Variants in HNF4A observed in about 807,000 individuals in gnomAD.
HNF4A encodes the protein hepatocyte nuclear factor 4 alpha.
A neutral mutation model predicts 52.4 loss-of-function variants in HNF4A; 15 were observed. That is an observed-to-expected ratio of 0.29 (90% CI 0.19 to 0.44). HNF4A has a LOEUF of 0.44. Ranked by LOEUF, HNF4A falls within the 20% of genes least tolerant of loss-of-function variation. The pLI is 1.00. For missense variants in HNF4A, 479 were observed against 647.2 expected, an observed-to-expected ratio of 0.74 and a Z score of 2.82; for synonymous variants, 280 against 264.4, an observed-to-expected ratio of 1.06 and a Z score of -0.57.
At chr20:44,369,489 T>G (rs1243093227) in intron 1 of HNF4A, among the ~76,000 whole-genome samples, 1 of 151,860 alleles carries the variant, frequency 6.6e-6, no homozygotes, top group Non-Finnish European at 1.5e-5. Context: ...AGAAAATATT[T>G]AAACGCTATT....
At chr20:44,355,790 T>C (rs749349806) in exon 1 of HNF4A, 1 of 1,613,248 alleles carries the variant, frequency 6.2e-7, no homozygotes, top group Admixed American at 1.7e-5. Flanking sequence ...GCTCTCCGGC[T>C]GGGTGGGCTT....
At chr20:44,370,976 GT>G (rs2063027420) in intron 1 of HNF4A, among the ~76,000 whole-genome samples, 1 of 152,216 alleles carries the variant, frequency 6.6e-6, no homozygotes, top group African/African-American at 2.4e-5. Flanking sequence ...GAAGGAGCAG[GT>G]CAGAAAGTTG....
chr20:44,376,533 ACATGAC>A (rs2063087851), intron 1 of HNF4A, among the ~76,000 whole-genome samples: 1 of 152,156 alleles, frequency 6.6e-6, no homozygotes. Flanking sequence ...AAATCTTACT[ACATGAC>A]CATGTTTTCT....
intron 1 of HNF4A, among the ~76,000 whole-genome samples, chr20:44,381,499 G>A (rs2063153390): frequency 6.6e-6 from 1 of 152,028 alleles, no homozygotes; most frequent in African/African-American, 2.4e-5. Flanking sequence ...CGTGAAACTG[G>A]TCTCAAACTC....
chr20:44,407,755 C>CATT (rs2063522328), intron 3 of HNF4A, among the ~76,000 whole-genome samples: 10 of 107,480 alleles, frequency 9.3e-5, no homozygotes, highest in African/African-American at 3.9e-4. Flanking sequence ...AAAGCAGCCA[C>CATT]GTTGTGTGTG....
intron 1 of HNF4A, among the ~76,000 whole-genome samples, chr20:44,356,675 C>A (rs931308386): frequency 1.3e-5 from 2 of 152,222 alleles, no homozygotes; most frequent in African/African-American, 2.4e-5. Flanking sequence ...TATGTACACA[C>A]GCGTATACGT....
At chr20:44,412,396 A>G (rs994477911) in intron 3 of HNF4A, among the ~76,000 whole-genome samples, 7 of 152,196 alleles carry the variant, frequency 4.6e-5, no homozygotes, top group African/African-American at 1.4e-4. Flanking sequence ...TGAAATGAAG[A>G]TGCTGCTGCG....
chr20:44,401,169 A>C, upstream of HNF4A: 1 of 1,445,598 alleles, frequency 6.9e-7, no homozygotes, highest in Non-Finnish European at 9.1e-7. Context: ...GGGACCGATT[A>C]ACCATTAACC....
At chr20:44,373,031 AGACTT>A (rs1269197834) in intron 1 of HNF4A, 2 of 152,316 alleles carry the variant, frequency 1.3e-5, no homozygotes, top group East Asian at 3.9e-4. Flanking sequence ...GGATAAGAAT[AGACTT>A]GACTTCCACT....
At chr20:44,413,207 A>C (rs1471163435) in intron 3 of HNF4A, among the ~76,000 whole-genome samples, 3 of 152,188 alleles carry the variant, frequency 2.0e-5, no homozygotes, top group Non-Finnish European at 4.4e-5. Flanking sequence ...TCTGGAGTAC[A>C]TGCAGCTCCT....
chr20:44,409,425 C>A (rs1222505668), intron 3 of HNF4A, among the ~76,000 whole-genome samples: 1 of 152,172 alleles, frequency 6.6e-6, no homozygotes, highest in Non-Finnish European at 1.5e-5. Context: ...TCAGTGATTC[C>A]ATTATCCCAA....
chr20:44,363,156 G>A (rs537644736), intron 1 of HNF4A, among the ~76,000 whole-genome samples: 9 of 151,984 alleles, frequency 5.9e-5, no homozygotes, highest in South Asian at 4.2e-4. Context: ...GCGCCCGGCC[G>A]ACCCAATCTT....
At chr20:44,429,498 C>T (rs773707135) in intron 9 of HNF4A, 25 bp from the exon 10 acceptor site, 2 of 1,614,094 alleles carry the variant, frequency 1.2e-6, no homozygotes, top group Non-Finnish European at 1.7e-6. Context: ...TTGAGCAGCC[C>T]CTGTCTGTCT....
chr20:44,378,868 G>A lies in HNF4A; in HGVS notation c.49+23015G>A, dbSNP rs375307722. On this transcript the variant is annotated intron_variant, in intron 1 of 9. Coordinates refer to the HNF4A transcript ENST00000316673. The stretch of plus-strand genomic sequence containing the variant: ...CGGGAAGTGGAGGTTGCAGTGAGCC[G>A]AGATCGCACCACTGCACTCCAGCCT... Among the ~76,000 whole-genome samples the A allele has an allele frequency of 3.3e-4, 49 of 149,564 alleles. No individual in the cohort carries two copies. The East Asian group carries it at 7.9e-3, about 24-fold the overall frequency.
intron 1 of HNF4A, among the ~76,000 whole-genome samples, chr20:44,382,790 C>G (rs1293319674): frequency 2.6e-5 from 4 of 151,472 alleles, no homozygotes; most frequent in Non-Finnish European, 4.4e-5. Flanking sequence ...GGTAGCTTTT[C>G]CCATCTACAC....
At chr20:44,383,901 A>G (rs1046109654) in intron 1 of HNF4A, among the ~76,000 whole-genome samples, 1 of 150,916 alleles carries the variant, frequency 6.6e-6, no homozygotes, top group African/African-American at 2.4e-5. Flanking sequence ...CCCAGGCTGG[A>G]GTGCAATGGA....
intron 5 of HNF4A, among the ~76,000 whole-genome samples, 173 bp from the exon 6 acceptor site, chr20:44,418,252 T>G (rs1047934236): frequency 1.9e-4 from 29 of 152,312 alleles, no homozygotes; most frequent in African/African-American, 6.3e-4. Context: ...ACATGTTCTT[T>G]CCCCTTCCAG....
At chr20:44,367,323 G>A (rs1473659399) in intron 1 of HNF4A, among the ~76,000 whole-genome samples, 4 of 131,992 alleles carry the variant, frequency 3.0e-5, no homozygotes, top group African/African-American at 8.6e-5. Context: ...CAACAAAAGC[G>A]AAACTCTGTC....
At chr20:44,370,960 G>C (rs569609382) in intron 1 of HNF4A, among the ~76,000 whole-genome samples, 8 of 152,336 alleles carry the variant, frequency 5.3e-5, no homozygotes. Context: ...CTCCAGCAGA[G>C]TTTGTGAAGG....
Sources: gnomAD v4.1 joint callset for allele counts (sites outside exome capture counted in the v4.1 genomes callset) on GRCh38, gnomAD v4.1.1 for gene constraint, MANE v1.5 for transcripts, NCBI Gene and HGNC (gene_info 2026-07-23, HGNC 2026-07-21) for gene names.